The following TUBB8B variants were observed in gnomAD, a reference collection of about 807,000 sequenced individuals.
The protein encoded by TUBB8B is tubulin beta 8B.
In TUBB8B, 26 loss-of-function variants were observed where a neutral mutation model predicts 31.9. The observed-to-expected ratio is 0.81, with a 90% CI of 0.60 to 1.13. TUBB8B has a LOEUF of 1.13. Ranked by LOEUF, TUBB8B falls within the 50% of genes most tolerant of loss-of-function variation. The pLI is 0.00. For synonymous variants in TUBB8B, 173 were observed against 231.0 expected, an observed-to-expected ratio of 0.75 and a Z score of 2.28; for missense variants, 467 against 586.7, an observed-to-expected ratio of 0.80 and a Z score of 2.11.
the TUBB8B span, among the ~76,000 whole-genome samples, chr18:72,196 A>AAAAAAAAAAAAAAAAAAAAAAAAAAAC: frequency 2.8e-3 from 237 of 84,394 alleles, 30 homozygotes; most frequent in East Asian, 0.036. Flanking sequence ...AAAAAAAAAA[A>AAAAAAAAAAAAAAAAAAAAAAAAAAAC]AAAGGAAAAA....
the TUBB8B span, among the ~76,000 whole-genome samples, chr18:72,027 A>C: frequency 6.6e-6 from 1 of 151,982 alleles, no homozygotes; most frequent in Non-Finnish European, 1.5e-5. Flanking sequence ...AAATACAAAA[A>C]AATTAGCTGG....
chr18:69,641 G>A, the TUBB8B span, among the ~76,000 whole-genome samples: 3 of 152,290 alleles, frequency 2.0e-5, no homozygotes, highest in Admixed American at 6.5e-5. Context: ...CTGACAGCTC[G>A]TTCCTGCAAA....
At chr18:61,329 C>A in the TUBB8B span, among the ~76,000 whole-genome samples, 1 of 151,474 alleles carries the variant, frequency 6.6e-6, no homozygotes, top group South Asian at 2.1e-4. Flanking sequence ...TATTTTCAGT[C>A]TAAATGTATC....
At chr18:54,877 T>C in the TUBB8B span, among the ~76,000 whole-genome samples, 2 of 152,150 alleles carry the variant, frequency 1.3e-5, no homozygotes, top group African/African-American at 4.8e-5. Context: ...GGTGAAATGA[T>C]ATCTCATTTT....
chr18:61,001 T>A, the TUBB8B span, among the ~76,000 whole-genome samples: 27 of 151,734 alleles, frequency 1.8e-4, no homozygotes, highest in African/African-American at 6.5e-4. Context: ...AAGTCTGATG[T>A]TTCTTTGTTG....
chr18:47,755 T>C lies in TUBB8B; in HGVS notation c.970A>G (p.Arg324Gly). ...TTGAACATTTGTTCATCCACCTCCCTCATGGGCATGCGACCCCTGAAAATG... is the reference window on the plus strand; with the variant it reads ...TTGAACATTTGTTCATCCACCTCCCCCATGGGCATGCGACCCCTGAAAATG... ...AAIFRGRMPM[R>G]EVDEQMFNIQ... The change falls in exon 4 of 4, where the codon AGG becomes GGG. Residue 324 changes from arginine to glycine, a missense_variant. Arg to Gly is a moderately radical substitution (Grantham distance 125, BLOSUM62 -2). This residue lies in a region of TUBB8B where 208 missense variants were observed against 206.7 expected (regional missense o/e 1.01). Coordinates refer to ENST00000308911, the MANE Select transcript of TUBB8B (RefSeq NM_001358689.2). The C allele has an allele frequency of 6.8e-6, 11 of 1,611,196 alleles. No individual in the cohort carries two copies. Among genetic ancestry groups the C allele is most frequent in the Non-Finnish European group, 9.3e-6 (11 of 1,179,072 alleles).
At chr18:66,548 T>C in the TUBB8B span, among the ~76,000 whole-genome samples, 47 of 152,260 alleles carry the variant, frequency 3.1e-4, no homozygotes, top group African/African-American at 1.1e-3. Context: ...TGAGACCCTG[T>C]CTCAAAAAAA....
the TUBB8B span, among the ~76,000 whole-genome samples, chr18:60,523 T>G: frequency 1.3e-5 from 2 of 151,820 alleles, no homozygotes; most frequent in Non-Finnish European, 2.9e-5. Flanking sequence ...GGCCTTTTTA[T>G]TCTAGTGAAT....
In TUBB8B at chr18:49,488, C is replaced by G. The variant is rs1431093668; in HGVS notation, c.57+13G>C. 5 of 990,998 alleles carry G rather than the reference C, an allele frequency of 5.0e-6. 1 individual carries two copies. The highest frequency in any genetic ancestry group is 1.6e-5 in the African/African-American group (1 of 61,788). The allele number at this position is 990,998 out of a possible 1,614,324, so 61.4% of individuals were successfully genotyped here. A position where few individuals can be genotyped will look rare whatever the true frequency, so the allele number is the denominator to read the frequency against. On this transcript the variant is annotated intron_variant, in intron 1 of 3. Coordinates refer to ENST00000308911, the MANE Select transcript of TUBB8B (RefSeq NM_001358689.2). ...CAGGCCCGGGCTGGGCCCTCAGAGCCCTGGCTGCCAACCTTGGCGCCGATC... is the reference window on the plus strand; with the variant it reads ...CAGGCCCGGGCTGGGCCCTCAGAGCGCTGGCTGCCAACCTTGGCGCCGATC...
At chr18:64,946 G>A in the TUBB8B span, among the ~76,000 whole-genome samples, 256 of 152,032 alleles carry the variant, frequency 1.7e-3, 1 homozygote, top group Middle Eastern at 0.017. Flanking sequence ...AACCACACTA[G>A]TACTTCACAT....
upstream of TUBB8B, among the ~76,000 whole-genome samples, chr18:52,290 C>T (rs567141290): frequency 3.3e-5 from 5 of 151,824 alleles, no homozygotes; most frequent in East Asian, 1.9e-4. Context: ...TACTGCAAAA[C>T]GGAGGCGGTG....
rs754515404 is a variant in TUBB8B, at chr18:47,509, T to G, written c.1216A>C (p.Met406Leu). 29 of 1,590,296 alleles carry G rather than the reference T, an allele frequency of 1.8e-5. No individual in the cohort carries two copies. In the African/African-American group the frequency reaches 2.8e-4, roughly 15 times the overall value. Residue 406 changes from methionine (M) to leucine (L), a missense_variant, in exon 4 of 4, where the codon ATG (methionine) becomes CTG (leucine). This residue lies in a region of TUBB8B where 208 missense variants were observed against 206.7 expected (regional missense o/e 1.01). Coordinates refer to ENST00000308911, the MANE Select transcript of TUBB8B (RefSeq NM_001358689.2). ...TTGCTCTCGGCCTCGGTGAATTCCA[T>G]CTCATCCATGCCCTCGCCCGTGTAC... ...HWYTGEGMDE[M>L]EFTEAESNMN...
At chr18:63,505 G>A in the TUBB8B span, among the ~76,000 whole-genome samples, 3 of 150,654 alleles carry the variant, frequency 2.0e-5, no homozygotes, top group Non-Finnish European at 4.5e-5. Flanking sequence ...CATCCCTGAG[G>A]CCATCACCAC....
chr18:73,006 G>C, the TUBB8B span, among the ~76,000 whole-genome samples: 2 of 152,028 alleles, frequency 1.3e-5, no homozygotes, highest in Admixed American at 1.3e-4. Flanking sequence ...ACTGATCCGG[G>C]GGTGCCTGTT....
At chr18:70,004 A>G in the TUBB8B span, among the ~76,000 whole-genome samples, 17,543 of 116,940 alleles carry the variant, frequency 0.15, no homozygotes, top group African/African-American at 0.29. Flanking sequence ...TAAAAATACA[A>G]TAATCAGCTG....
chr18:68,058 G>A, the TUBB8B span, among the ~76,000 whole-genome samples: 12 of 152,220 alleles, frequency 7.9e-5, no homozygotes, highest in African/African-American at 1.7e-4. Flanking sequence ...GACTCTTACC[G>A]GGGTGCTTGG....
chr18:69,922 C>A, the TUBB8B span, among the ~76,000 whole-genome samples: 1 of 151,776 alleles, frequency 6.6e-6, no homozygotes, highest in East Asian at 1.9e-4. Flanking sequence ...TTTGGGAGGC[C>A]GAGGCGGGCG....
At position 49,114 on chromosome 18, in the gene TUBB8B, G is replaced by A. The variant is rs2144058229; in HGVS notation, c.166+15C>T. On this transcript the variant is annotated intron_variant, in intron 2 of 3. Coordinates refer to ENST00000308911, the MANE Select transcript of TUBB8B (RefSeq NM_001358689.2). ...CGTTCCCAGGAGGGCGGTGGGAGAA[G>A]GACGGGGGTCGCACCGCTGGCCTCG... is the stretch of plus-strand genomic sequence containing the variant. 1 of 1,516,374 alleles carries A rather than the reference G, an allele frequency of 6.6e-7. No homozygotes were observed. Among genetic ancestry groups the A allele is most frequent in the Non-Finnish European group, 9.1e-7 (1 of 1,101,442 alleles). 93.9% of individuals were successfully genotyped at this position (1,516,374 alleles called of 1,614,324 possible).
chr18:63,584 C>A, the TUBB8B span, among the ~76,000 whole-genome samples: 3 of 151,650 alleles, frequency 2.0e-5, no homozygotes, highest in Non-Finnish European at 2.9e-5. Context: ...ACTGTAACGA[C>A]AACTTGGCTA....
Sources: gnomAD v4.1 joint callset for allele counts (sites outside exome capture counted in the v4.1 genomes callset) on GRCh38, gnomAD v4.1.1 for gene constraint, gnomAD v4.1.1 regional missense constraint, MANE v1.5 for transcripts, NCBI Gene and HGNC (gene_info 2026-07-23, HGNC 2026-07-21) for gene names.